The following KAZN variants were observed in gnomAD, a reference collection of about 807,000 sequenced individuals.
KAZN encodes kazrin, periplakin interacting protein, also known as kazrin.
In KAZN, 40 loss-of-function variants were observed where a neutral mutation model predicts 87.4. The ratio of observed to expected loss-of-function variants is 0.46; its 90% CI spans 0.36 to 0.60. KAZN has a LOEUF of 0.60. KAZN is among the 20% of genes least tolerant of loss of function. The pLI, the probability that KAZN is intolerant of heterozygous loss-of-function variation, is 0.00. For synonymous variants in KAZN, 466 were observed against 458.3 expected (o/e 1.02, Z -0.22); for missense variants, 898 against 1,073.9 (o/e 0.84, Z 2.29).
intron 2 of KAZN, among the ~76,000 whole-genome samples, chr1:14,971,621 T>G (rs533371065): frequency 1.3e-4 from 19 of 149,984 alleles, no homozygotes; most frequent in South Asian, 2.1e-4. Context: ...TGGAAGTGGG[T>G]GTCTTTCAGA....
At chr1:14,917,850 C>T (rs1304068767) in intron 1 of KAZN, among the ~76,000 whole-genome samples, 1 of 19,522 alleles carries the variant, frequency 5.1e-5, no homozygotes, top group African/African-American at 1.0e-4. Flanking sequence ...TTCTTTCTTT[C>T]TTCCTTCCTT....
chr1:15,053,039 G>A (rs1222395034), intron 4 of KAZN, among the ~76,000 whole-genome samples: 1 of 152,248 alleles, frequency 6.6e-6, no homozygotes, highest in Non-Finnish European at 1.5e-5. Flanking sequence ...TCCTAGGCAT[G>A]TGGCTGGGAG....
In KAZN at chr1:14,193,411, G is replaced by A. The variant is rs113061080; in HGVS notation, c.249+12819G>A. On this transcript the variant is annotated intron_variant, in intron 2 of 16. Transcript: ENST00000636203. The stretch of plus-strand genomic sequence containing the variant: ...TGAAAATGAGGGATTGGAGTGATGC[G>A]TCTGTAAGCCAAGACATGCATGGGG... Among the ~76,000 whole-genome samples, 78 of 152,278 alleles carry A rather than the reference G, an allele frequency of 5.1e-4. 1 individual carries two copies. The highest frequency in any genetic ancestry group is 1.7e-3 in the African/African-American group (72 of 41,564).
intron 1 of KAZN, among the ~76,000 whole-genome samples, chr1:13,928,090 C>T (rs1484357340): frequency 3.3e-5 from 5 of 152,218 alleles, no homozygotes; most frequent in African/African-American, 1.2e-4. Flanking sequence ...CTGGAGGAAG[C>T]AGAGGGTGTG....
intron 2 of KAZN, among the ~76,000 whole-genome samples, chr1:14,988,319 G>T (rs1021391408): frequency 6.6e-6 from 1 of 152,184 alleles, no homozygotes; most frequent in African/African-American, 2.4e-5. Context: ...CCTCCCCTGC[G>T]GGCAGCTGGC....
At chr1:13,973,440 T>A (rs1460005622) in intron 1 of KAZN, among the ~76,000 whole-genome samples, 1 of 152,070 alleles carries the variant, frequency 6.6e-6, no homozygotes, top group Non-Finnish European at 1.5e-5. Flanking sequence ...CAGAAGAGAG[T>A]GAGGTCAGAA....
chr1:14,635,960 C>T (rs1411811054), intron 1 of KAZN, among the ~76,000 whole-genome samples: 2 of 152,154 alleles, frequency 1.3e-5, no homozygotes, highest in Admixed American at 6.6e-5. Context: ...CTGTTTACAC[C>T]CAGGTCTGTG....
chr1:14,427,877 G>A (rs1439146352), intron 2 of KAZN, among the ~76,000 whole-genome samples: 1 of 152,124 alleles, frequency 6.6e-6, no homozygotes, highest in African/African-American at 2.4e-5. Flanking sequence ...ATGAACTCCA[G>A]ACTATGTTCT....
At position 14,875,603 on chromosome 1, in the gene KAZN, C is replaced by T. The variant is rs545332764; in HGVS notation, c.227-85081C>T. ...CATGAGGCACAGACCAGGCTTCCTA[C>T]GCAGGATGTGCTGGGGTCTGCTCCA... is the stretch of plus-strand genomic sequence containing the variant. On this transcript the variant is annotated intron_variant, in intron 1 of 14. Transcript: ENST00000376030. Among the ~76,000 whole-genome samples, 72 of 152,238 alleles carry T rather than the reference C, an allele frequency of 4.7e-4. 2 individuals carry two copies. The highest frequency in any genetic ancestry group is 1.6e-3 in the African/African-American group (65 of 41,526).
intron 2 of KAZN, among the ~76,000 whole-genome samples, chr1:14,294,399 G>A (rs1032063406): frequency 1.3e-5 from 2 of 151,966 alleles, no homozygotes; most frequent in African/African-American, 4.8e-5. Context: ...AACACTAATC[G>A]CTTCTGTCAT....
chr1:14,696,647 A>G (rs777330635), intron 1 of KAZN, among the ~76,000 whole-genome samples: 5 of 152,208 alleles, frequency 3.3e-5, no homozygotes, highest in Non-Finnish European at 1.5e-5. Flanking sequence ...CAACTTAAGC[A>G]TGCTTCAGAG....
intron 1 of KAZN, among the ~76,000 whole-genome samples, chr1:14,651,704 C>T (rs755365280): frequency 6.6e-6 from 1 of 152,102 alleles, no homozygotes; most frequent in African/African-American, 2.4e-5. Context: ...TTTCCCCCCA[C>T]GAGAATAACT....
chr1:14,565,584 GT>G (rs1674507174), intron 2 of KAZN, among the ~76,000 whole-genome samples: 1 of 152,138 alleles, frequency 6.6e-6, no homozygotes, highest in South Asian at 2.1e-4. Context: ...AGATTTCCCT[GT>G]AGCATGCAAT....
intron 2 of KAZN, among the ~76,000 whole-genome samples, chr1:14,192,837 C>T (rs1242667566): frequency 1.3e-5 from 2 of 152,130 alleles, no homozygotes; most frequent in African/African-American, 2.4e-5. Context: ...TGTTGAAGTC[C>T]TAGCTCCCAG....
At chr1:14,496,016 T>C (rs1269445960) in intron 2 of KAZN, among the ~76,000 whole-genome samples, 1 of 152,204 alleles carries the variant, frequency 6.6e-6, no homozygotes, top group Admixed American at 6.5e-5. Flanking sequence ...AAGTGTGTTT[T>C]ACCTGATCCA....
rs148650292 is a variant in KAZN, at chr1:14,243,503, A to G, written c.249+62911A>G. On this transcript the variant is annotated intron_variant, in intron 2 of 16. Transcript: ENST00000636203. ...GTTTTGGTTTAACGTAGCTCTTCAA[A>G]ATAGCTCCTCTCTTCCTTCACATGA... 4.3e-3 allele frequency among the ~76,000 whole-genome samples: 655 copies of G among 152,322 alleles called. 6 individuals carry two copies. The highest frequency in any genetic ancestry group is 0.014 in the African/African-American group (601 of 41,560).
intron 1 of KAZN, among the ~76,000 whole-genome samples, chr1:14,631,545 ACCTCTC>A (rs1185878681): frequency 2.2e-4 from 34 of 152,218 alleles, no homozygotes; most frequent in East Asian, 1.2e-3. Context: ...CGATCCTGCT[ACCTCTC>A]ACCCCAGGGC....
At chr1:14,385,164 C>A (rs565408722) in intron 2 of KAZN, among the ~76,000 whole-genome samples, 3 of 152,172 alleles carry the variant, frequency 2.0e-5, no homozygotes, top group East Asian at 1.9e-4. Flanking sequence ...GTGGTGATAA[C>A]CCCTTTATCA....
chr1:15,071,202 G>A (rs1208387800), intron 8 of KAZN, among the ~76,000 whole-genome samples: 1 of 152,094 alleles, frequency 6.6e-6, no homozygotes, highest in Non-Finnish European at 1.5e-5. Flanking sequence ...CAAATTGAGG[G>A]TATAAGTCTG....
Sources: allele counts gnomAD v4.1 joint callset (sites outside exome capture counted in the v4.1 genomes callset), GRCh38; gene constraint gnomAD v4.1.1; transcripts MANE v1.5; gene names NCBI Gene and HGNC (gene_info 2026-07-23, HGNC 2026-07-21).